CERS6: variants seen among roughly 807,000 people sequenced by gnomAD.
CERS6 encodes the protein LAG1 homolog, ceramide synthase 6.
In CERS6, 26 loss-of-function variants were observed where a neutral mutation model predicts 56.8. The ratio of observed to expected loss-of-function variants is 0.46; its 90% CI spans 0.34 to 0.63. The LOEUF (loss-of-function observed/expected upper bound fraction) is 0.63, where lower values mean the gene tolerates loss of function less well. Ranked by LOEUF, CERS6 falls within the 30% of genes least tolerant of loss-of-function variation. The pLI is 0.01. For missense variants in CERS6, 415 were observed against 467.5 expected (o/e 0.89, Z 1.04); for synonymous variants, 164 against 173.3 (o/e 0.95, Z 0.42).
chr2:168,653,553 A>G (rs1464843286), intron 4 of CERS6, among the ~76,000 whole-genome samples: 1 of 152,202 alleles, frequency 6.6e-6, no homozygotes, highest in African/African-American at 2.4e-5. Flanking sequence ...TGTTTGTTTA[A>G]TTATCTTAGA....
At chr2:168,685,361 A>C (rs1477692054) in intron 4 of CERS6, among the ~76,000 whole-genome samples, 1 of 152,180 alleles carries the variant, frequency 6.6e-6, no homozygotes, top group African/African-American at 2.4e-5. Flanking sequence ...AGAAAAGCAC[A>C]TGTATGTATG....
intron 1 of CERS6, among the ~76,000 whole-genome samples, chr2:168,501,740 T>C (rs1447428336): frequency 6.6e-6 from 1 of 152,188 alleles, no homozygotes; most frequent in African/African-American, 2.4e-5. Context: ...GGACTGCAAG[T>C]GATAGGCACA....
intron 4 of CERS6, among the ~76,000 whole-genome samples, chr2:168,677,685 CAG>C (rs1686099246): frequency 6.6e-6 from 1 of 151,948 alleles, no homozygotes; most frequent in South Asian, 2.1e-4. Flanking sequence ...TTAGTAGAGA[CAG>C]GGTTTCTCTA....
At chr2:168,623,911 T>G (rs1684531229) in intron 3 of CERS6, among the ~76,000 whole-genome samples, 3 of 152,180 alleles carry the variant, frequency 2.0e-5, no homozygotes, top group South Asian at 4.1e-4. Flanking sequence ...ACTTGTTAAA[T>G]GTAGAAAAGT....
chr2:168,570,998 A>T (rs1176152705), intron 3 of CERS6, among the ~76,000 whole-genome samples: 1 of 152,168 alleles, frequency 6.6e-6, no homozygotes, highest in African/African-American at 2.4e-5. Flanking sequence ...GGAGCCATCA[A>T]TTGTAATACT....
intron 4 of CERS6, chr2:168,644,103 A>T: frequency 1.0e-6 from 1 of 985,238 alleles, no homozygotes; most frequent in Non-Finnish European, 1.2e-6. Flanking sequence ...CTTACAGGCT[A>T]ATAGGAGATA....
chr2:168,747,360 A>C (rs1311333490), intron 8 of CERS6, among the ~76,000 whole-genome samples: 1 of 152,098 alleles, frequency 6.6e-6, no homozygotes. Context: ...TCACTAGATA[A>C]AAGACATGAT....
chr2:168,598,375 G>C (rs13428465), intron 3 of CERS6, among the ~76,000 whole-genome samples: 3 of 151,972 alleles, frequency 2.0e-5, no homozygotes, highest in African/African-American at 7.3e-5. Context: ...ACGTGGCATA[G>C]TAATTAACCA....
At chr2:168,591,463 A>G (rs186886212) in intron 3 of CERS6, among the ~76,000 whole-genome samples, 35 of 152,358 alleles carry the variant, frequency 2.3e-4, no homozygotes, top group African/African-American at 8.2e-4. Flanking sequence ...TAATAGTGCT[A>G]TCTAGCATAC....
intron 3 of CERS6, among the ~76,000 whole-genome samples, chr2:168,566,693 A>G (rs952716181): frequency 6.6e-6 from 1 of 152,164 alleles, no homozygotes; most frequent in Non-Finnish European, 1.5e-5. Flanking sequence ...CATATAGGAA[A>G]CAAGCAGTTG....
At chr2:168,459,289 T>C (rs997634038) in intron 1 of CERS6, among the ~76,000 whole-genome samples, 7 of 152,250 alleles carry the variant, frequency 4.6e-5, no homozygotes, top group African/African-American at 7.2e-5. Context: ...TTCTCAGTCT[T>C]AGGTATTTCT....
rs555982900 is a variant in CERS6, at chr2:168,772,198, C to A, written c.*2536C>A. 1 of 152,310 alleles carries A rather than the reference C, an allele frequency of 6.6e-6. No individual in the cohort carries two copies. Among genetic ancestry groups the A allele is most frequent in the Admixed American group, 6.5e-5 (1 of 15,288 alleles). The allele number at this position is 152,310 out of a possible 1,614,324, so 9.4% of individuals were successfully genotyped here. ...ATAGGTTAGTCAGAATGCTGTTTTTCGTTAATTAACTTAGCCTGTGTTGAT... is the reference window on the plus strand; with the variant it reads ...ATAGGTTAGTCAGAATGCTGTTTTTAGTTAATTAACTTAGCCTGTGTTGAT... On this transcript the variant is annotated 3_prime_UTR_variant, in exon 10 of 10. Transcript: ENST00000305747.
At chr2:168,457,063 C>G (rs947116229) in intron 1 of CERS6, among the ~76,000 whole-genome samples, 1 of 152,226 alleles carries the variant, frequency 6.6e-6, no homozygotes, top group African/African-American at 2.4e-5. Context: ...ACGCGCGGCC[C>G]GGAGGGAGGA....
At chr2:168,762,751 A>G (rs1307203057) in intron 8 of CERS6, among the ~76,000 whole-genome samples, 1 of 152,252 alleles carries the variant, frequency 6.6e-6, no homozygotes, top group Non-Finnish European at 1.5e-5. Flanking sequence ...ATTACTCTTT[A>G]AAGACAACTA....
chr2:168,613,806 T>G (rs991826865), intron 3 of CERS6, among the ~76,000 whole-genome samples: 4 of 152,196 alleles, frequency 2.6e-5, no homozygotes, highest in African/African-American at 9.6e-5. Flanking sequence ...GATGCTCGGT[T>G]CAAGTGGGCA....
chr2:168,556,448 G>T (rs1695680007), intron 2 of CERS6, among the ~76,000 whole-genome samples: 1 of 152,084 alleles, frequency 6.6e-6, no homozygotes, highest in East Asian at 1.9e-4. Context: ...GGGATAGGTG[G>T]TTTCTGCTAC....
At chr2:168,562,049 G>T (rs1180259164) in intron 3 of CERS6, among the ~76,000 whole-genome samples, 3 of 152,104 alleles carry the variant, frequency 2.0e-5, no homozygotes, top group Admixed American at 2.0e-4. Context: ...TACCCTATGT[G>T]GTCTTCATCT....
At chr2:168,627,167 G>A (rs1216003798) in intron 3 of CERS6, among the ~76,000 whole-genome samples, 13 of 151,740 alleles carry the variant, frequency 8.6e-5, no homozygotes, top group Admixed American at 2.6e-4. Flanking sequence ...TCCTTTCCTC[G>A]TTTTCATTAA....
At chr2:168,596,164 G>A (rs1683792482) in intron 3 of CERS6, among the ~76,000 whole-genome samples, 1 of 152,156 alleles carries the variant, frequency 6.6e-6, no homozygotes, top group South Asian at 2.1e-4. Flanking sequence ...TTATGCATCT[G>A]GCTAGTAGAC....
Sources: allele counts gnomAD v4.1 joint callset (sites outside exome capture counted in the v4.1 genomes callset), GRCh38; gene constraint gnomAD v4.1.1; transcripts MANE v1.5; gene names NCBI Gene and HGNC (gene_info 2026-07-23, HGNC 2026-07-21).